MTUS2: variants seen among roughly 807,000 people sequenced by gnomAD.
The protein encoded by MTUS2 is microtubule associated scaffold protein 2.
Under a neutral mutation model 114.1 loss-of-function variants are expected in MTUS2, and 40 were observed. The ratio of observed to expected loss-of-function variants is 0.35; its 90% CI spans 0.27 to 0.46. The LOEUF is 0.46. Among genes scored for constraint, MTUS2 ranks in the 20% least tolerant of loss-of-function variants. MTUS2 has a pLI of 1.00. For synonymous variants in MTUS2, 688 were observed against 672.0 expected (o/e 1.02, Z -0.37); for missense variants, 1,679 against 1,705.4 (o/e 0.98, Z 0.27).
Position 29,389,386 on chromosome 13 carries a change from C to T in MTUS2, c.3117+29913C>T, listed in dbSNP as rs1443669333. Among the ~76,000 whole-genome samples, 2 of 33,088 alleles carry T rather than the reference C, an allele frequency of 6.0e-5. 1 individual carries two copies. The highest frequency in any genetic ancestry group is 1.4e-4 in the African/African-American group (2 of 14,766). The allele number at this position is 33,088 out of a possible 152,430, so 21.7% of individuals were successfully genotyped here. ...ATGCACGTGTGTGTATATATGTATA[C>T]ACGTGTGTGTATATATGTATACACG... On this transcript the variant is annotated intron_variant, in intron 8 of 15. Coordinates refer to ENST00000612955, the MANE Select transcript of MTUS2 (RefSeq NM_001033602.4).
At chr13:29,158,136 TGTCCCTCC>T (rs1474564415) in intron 5 of MTUS2, among the ~76,000 whole-genome samples, 12 of 152,260 alleles carry the variant, frequency 7.9e-5, no homozygotes, top group African/African-American at 2.4e-4. Flanking sequence ...CCAAGGGGAC[TGTCCCTCC>T]CGGACTCCCT....
chr13:29,497,595 G>C, intron 13 of MTUS2: 2 of 516,796 alleles, frequency 3.9e-6, no homozygotes, highest in South Asian at 4.4e-5. Flanking sequence ...GAGTCGTGGG[G>C]CTCCTATGAT....
At position 29,505,271 on chromosome 13, in the gene MTUS2, C is replaced by A. The variant is rs1259005084; in HGVS notation, c.*2065C>A. On this transcript the variant is annotated 3_prime_UTR_variant, in exon 16 of 16. Transcript: ENST00000612955. ...TAGCCGCACCTGCTAAATGCAGTTA[C>A]ACAGCAATACTGACTTCCGTGTGAT... 1 of 231,462 alleles carries A rather than the reference C, an allele frequency of 4.3e-6. No individual in the cohort carries two copies. 14.3% of individuals were successfully genotyped at this position (231,462 alleles called of 1,614,324 possible).
intron 6 of MTUS2, among the ~76,000 whole-genome samples, chr13:29,286,740 G>C (rs1337073257): frequency 1.4e-5 from 2 of 141,312 alleles, no homozygotes; most frequent in Non-Finnish European, 3.1e-5. Flanking sequence ...ACCCAGGCTG[G>C]AGTGCAGTGG....
At chr13:28,896,505 C>T (rs1879277276) in intron 2 of MTUS2, among the ~76,000 whole-genome samples, 1 of 152,090 alleles carries the variant, frequency 6.6e-6, no homozygotes, top group African/African-American at 2.4e-5. Flanking sequence ...CAATGCCATC[C>T]CCATCAAGCT....
chr13:29,023,459 A>G (rs1886377358), intron 2 of MTUS2, among the ~76,000 whole-genome samples: 1 of 152,198 alleles, frequency 6.6e-6, no homozygotes, highest in Non-Finnish European at 1.5e-5. Context: ...TCCTTCTCAT[A>G]TGCACACACA....
At chr13:29,371,740 A>G (rs573116589) in intron 8 of MTUS2, among the ~76,000 whole-genome samples, 21 of 152,274 alleles carry the variant, frequency 1.4e-4, no homozygotes, top group African/African-American at 4.8e-4. Context: ...TGATCTTCTC[A>G]GCACTGCCAA....
chr13:29,016,096 G>A (rs1886054484), intron 2 of MTUS2, among the ~76,000 whole-genome samples: 1 of 151,956 alleles, frequency 6.6e-6, no homozygotes, highest in Non-Finnish European at 1.5e-5. Flanking sequence ...GTAGAGACGG[G>A]GTTTCACCAT....
chr13:29,012,395 C>G (rs1885884413), intron 2 of MTUS2, among the ~76,000 whole-genome samples: 1 of 152,106 alleles, frequency 6.6e-6, no homozygotes, highest in South Asian at 2.1e-4. Flanking sequence ...GCTACTCAGT[C>G]CAGCGTGTCC....
In MTUS2 at chr13:29,428,691, G is replaced by A. The variant is rs948558219; in HGVS notation, c.3118-11292G>A. The A allele has an allele frequency of 6.0e-6, 8 of 1,341,360 alleles. No homozygotes were observed. The African/African-American group carries it at 1.2e-4, about 20-fold the overall frequency. The allele number at this position is 1,341,360 out of a possible 1,614,324, so 83.1% of individuals were successfully genotyped here. ...TTCCTCTGCCTCCTGGATTCCTGAA[G>A]TTTAGGAGAAATAAGGTAGCCAAGG... On this transcript the variant is annotated intron_variant, in intron 8 of 15. Transcript: ENST00000612955.
chr13:29,074,396 C>T (rs1889088256), intron 4 of MTUS2, among the ~76,000 whole-genome samples: 1 of 152,172 alleles, frequency 6.6e-6, no homozygotes, highest in South Asian at 2.1e-4. Context: ...TCCGTCATGC[C>T]ACTTAGCACC....
rs1372569672 is a variant in MTUS2, at chr13:29,480,512, G to A, written c.3399+148G>A. The A allele has an allele frequency of 4.5e-6, 4 of 884,530 alleles. No homozygotes were observed. The highest frequency in any genetic ancestry group is 2.0e-5 in the South Asian group (1 of 50,514). The allele number at this position is 884,530 out of a possible 1,614,324, so 54.8% of individuals were successfully genotyped here. On this transcript the variant is annotated intron_variant, in intron 10 of 15. Coordinates refer to ENST00000612955, the MANE Select transcript of MTUS2 (RefSeq NM_001033602.4). The surrounding 1 kb of genome is among the most constrained non-coding windows in gnomAD (Gnocchi z 4.4). The stretch of plus-strand genomic sequence containing the variant: ...CTGAGTTGCTTTCTCCTTTCTCCCC[G>A]CTCCTCTCTTCTCCTCCAGCCACTG...
chr13:29,391,584 G>A (rs1174212160), intron 8 of MTUS2, among the ~76,000 whole-genome samples: 1 of 151,734 alleles, frequency 6.6e-6, no homozygotes, highest in East Asian at 1.9e-4. Flanking sequence ...AGAGATTTAG[G>A]GAATCTTCCT....
At chr13:29,020,004 A>G (rs621417) in intron 2 of MTUS2, among the ~76,000 whole-genome samples, 89,227 of 152,002 alleles carry the variant, frequency 0.59, 26,805 homozygotes, top group African/African-American at 0.71. Flanking sequence ...GAAGAATTGC[A>G]TCATTCTGCT....
At chr13:29,483,120 A>G (rs1593498842) in intron 10 of MTUS2, among the ~76,000 whole-genome samples, 2 of 152,168 alleles carry the variant, frequency 1.3e-5, no homozygotes, top group Admixed American at 6.5e-5. Context: ...GCATTGGGCA[A>G]TGCTAACCCC....
intron 5 of MTUS2, among the ~76,000 whole-genome samples, chr13:29,225,346 C>G (rs1161083569): frequency 6.6e-6 from 1 of 152,142 alleles, no homozygotes; most frequent in African/African-American, 2.4e-5. Context: ...CATATTTTGC[C>G]CTTTCAACCC....
intron 5 of MTUS2, among the ~76,000 whole-genome samples, chr13:29,158,358 C>CCCCCCCCCCCCCTTTT: frequency 6.2e-5 from 2 of 32,048 alleles, no homozygotes; most frequent in Non-Finnish European, 1.0e-4. Context: ...GTCCACCCCG[C>CCCCCCCCCCCCCTTTT]TTTTTTTTTT....
At chr13:28,864,427 T>G (rs1319026389) in intron 2 of MTUS2, among the ~76,000 whole-genome samples, 1 of 152,222 alleles carries the variant, frequency 6.6e-6, no homozygotes, top group African/African-American at 2.4e-5. Context: ...GACTGACACC[T>G]GCAGCTCTTG....
At chr13:29,351,946 G>T (rs118050900) in intron 7 of MTUS2, among the ~76,000 whole-genome samples, 234 of 152,116 alleles carry the variant, frequency 1.5e-3, no homozygotes, top group Admixed American at 4.3e-3. Context: ...GATATGTCCT[G>T]TTCCTTAGCA....
Sources: allele counts gnomAD v4.1 joint callset (sites outside exome capture counted in the v4.1 genomes callset), GRCh38; gene constraint gnomAD v4.1.1; non-coding constraint Gnocchi (gnomAD v3.1); transcripts MANE v1.5; gene names NCBI Gene and HGNC (gene_info 2026-07-23, HGNC 2026-07-21).